The following STPG1 variants were observed in gnomAD, a reference collection of about 807,000 sequenced individuals.
The protein encoded by STPG1 is O(6)-methylguanine-induced apoptosis 2.
In STPG1, 33 loss-of-function variants were observed where a neutral mutation model predicts 40.1. The observed-to-expected ratio is 0.82, with a 90% confidence interval of 0.62 to 1.10. STPG1 has a LOEUF of 1.10. Ranked by LOEUF, STPG1 falls within the 50% of genes least tolerant of loss-of-function variation. The pLI is 0.00. For synonymous variants in STPG1, 150 were observed against 155.0 expected (o/e 0.97, Z 0.24); for missense variants, 396 against 415.1 (o/e 0.95, Z 0.40).
chr1:24,394,435 G>T (rs1326653729), intron 2 of STPG1, among the ~76,000 whole-genome samples: 2 of 152,102 alleles, frequency 1.3e-5, no homozygotes, highest in Non-Finnish European at 2.9e-5. Context: ...AAAATACCTG[G>T]CATTGATAAA....
At chr1:24,397,598 C>T (rs1643059514) in intron 2 of STPG1, among the ~76,000 whole-genome samples, 1 of 151,912 alleles carries the variant, frequency 6.6e-6, no homozygotes, top group Non-Finnish European at 1.5e-5. Flanking sequence ...CCCAGTAATG[C>T]AAAAATAGTT....
intron 3 of STPG1, among the ~76,000 whole-genome samples, chr1:24,389,893 C>T (rs1178820685): frequency 1.3e-5 from 2 of 152,116 alleles, no homozygotes; most frequent in South Asian, 2.1e-4. Flanking sequence ...TGTTTGTGTG[C>T]GTACACTCTA....
chr1:24,377,323 A>G (rs1168790938), intron 5 of STPG1, among the ~76,000 whole-genome samples: 1 of 152,032 alleles, frequency 6.6e-6, no homozygotes, highest in Non-Finnish European at 1.5e-5. Context: ...GGACCCAGAG[A>G]ACAAAATGTG....
intron 7 of STPG1, among the ~76,000 whole-genome samples, chr1:24,366,405 G>A (rs946354840): frequency 3.9e-5 from 6 of 152,144 alleles, no homozygotes; most frequent in Admixed American, 3.9e-4. Context: ...AAACAGAACT[G>A]GAATTTGAGA....
At chr1:24,383,693 C>T (rs897459385) in intron 4 of STPG1, among the ~76,000 whole-genome samples, 9 of 152,190 alleles carry the variant, frequency 5.9e-5, no homozygotes, top group African/African-American at 1.9e-4. Context: ...GGCTTCTCTT[C>T]CCACCCTGGC....
upstream of STPG1, chr1:24,414,229 A>G (rs1237032097): frequency 6.6e-6 from 1 of 151,730 alleles, no homozygotes; most frequent in Non-Finnish European, 1.5e-5. Context: ...TATTTTTAGT[A>G]GAGACAGGGT....
intron 2 of STPG1, among the ~76,000 whole-genome samples, chr1:24,395,091 T>C (rs187385626): frequency 7.9e-5 from 12 of 151,808 alleles, no homozygotes; most frequent in Middle Eastern, 3.4e-3. Flanking sequence ...AAAAAAGACA[T>C]GTCACATATG....
At chr1:24,383,097 G>A (rs2148698359) in intron 4 of STPG1, among the ~76,000 whole-genome samples, 1 of 152,098 alleles carries the variant, frequency 6.6e-6, no homozygotes, top group South Asian at 2.1e-4. Flanking sequence ...TTATTTTGTA[G>A]AGATGGGGTC....
At position 24,372,813 on chromosome 1, in the gene STPG1, G is replaced by A. The variant is rs539904579; in HGVS notation, c.571+889C>T. Among the ~76,000 whole-genome samples the A allele has an allele frequency of 1.6e-4, 24 of 152,282 alleles. 1 individual carries two copies. The highest frequency in any genetic ancestry group is 4.1e-4 in the South Asian group (2 of 4,830). ...CCCTGCTCCTCCTCCTGCTTCTGGG[G>A]CCCAAGGTTCCTGGGGCAGCTCTGG... On this transcript the variant is annotated intron_variant, in intron 6 of 8. Coordinates refer to ENST00000337248, the MANE Select transcript of STPG1 (RefSeq NM_001199013.2).
intron 6 of STPG1, among the ~76,000 whole-genome samples, chr1:24,372,181 AAAAAC>A (rs573718589): frequency 2.6e-5 from 4 of 152,166 alleles, no homozygotes; most frequent in East Asian, 1.9e-4. Context: ...CCATCTCCAA[AAAAAC>A]AAAACAAAAC....
intron 2 of STPG1, among the ~76,000 whole-genome samples, chr1:24,392,843 C>G (rs1314166281): frequency 8.3e-6 from 1 of 120,712 alleles, no homozygotes; most frequent in Admixed American, 9.3e-5. Flanking sequence ...AGAGGAAATA[C>G]GCGCAGAAAT....
At chr1:24,372,573 G>A (rs2148688380) in intron 6 of STPG1, among the ~76,000 whole-genome samples, 1 of 152,328 alleles carries the variant, frequency 6.6e-6, no homozygotes, top group African/African-American at 2.4e-5. Context: ...TGCTGGCTTT[G>A]TTCTTCTGTA....
intron 2 of STPG1, among the ~76,000 whole-genome samples, chr1:24,395,025 A>G (rs1255462471): frequency 6.6e-6 from 1 of 152,140 alleles, no homozygotes; most frequent in Non-Finnish European, 1.5e-5. Context: ...CCGTAGGCCA[A>G]CCATAATCAA....
chr1:24,390,067 A>ATC (rs1324265380), intron 3 of STPG1, among the ~76,000 whole-genome samples: 1 of 152,220 alleles, frequency 6.6e-6, no homozygotes, highest in Non-Finnish European at 1.5e-5. Flanking sequence ...CAGAACCTAG[A>ATC]TCTCCTCATT....
At chr1:24,374,490 A>C (rs1168304260) in intron 5 of STPG1, among the ~76,000 whole-genome samples, 5 of 151,702 alleles carry the variant, frequency 3.3e-5, no homozygotes, top group Non-Finnish European at 7.4e-5. Context: ...CGATCTCCTG[A>C]CCTCGTGATC....
chr1:24,396,884 CAG>C (rs1359407772), intron 2 of STPG1, among the ~76,000 whole-genome samples: 2 of 152,086 alleles, frequency 1.3e-5, no homozygotes, highest in African/African-American at 2.4e-5. Context: ...AATTAAAAAA[CAG>C]AGATTCTCAG....
intron 5 of STPG1, among the ~76,000 whole-genome samples, chr1:24,374,253 T>TG (rs1641905752): frequency 2.1e-5 from 2 of 93,380 alleles, no homozygotes; most frequent in African/African-American, 1.3e-4. Flanking sequence ...TGTTTTTTTT[T>TG]TTTGTTTTTT....
rs1640814156 is a variant in STPG1 at position 24,357,709 on chromosome 1, C to CA, written c.*833_*834insT. 6.0e-6 allele frequency: 1 copy of CA among 167,218 alleles called. No homozygotes were observed. Among genetic ancestry groups the CA allele is most frequent in the Non-Finnish European group, 1.3e-5 (1 of 74,386 alleles). The allele number at this position is 167,218 out of a possible 1,614,324, so 10.4% of individuals were successfully genotyped here. A position where few individuals can be genotyped will look rare whatever the true frequency, so the allele number is the denominator to read the frequency against. ...AAGGAGCCTGGCAGCTCCCCACCCA[C>CA]CGCGAATCTGTGCAGCCTCCACCAA... On this transcript the variant is annotated 3_prime_UTR_variant, in exon 9 of 9. Coordinates refer to ENST00000337248, the MANE Select transcript of STPG1 (RefSeq NM_001199013.2).
chr1:24,414,305 C>A (rs1182820744), upstream of STPG1: 1 of 151,632 alleles, frequency 6.6e-6, no homozygotes, highest in South Asian at 2.1e-4. Context: ...CTCGGCCTCC[C>A]AAAGTGTTGG....
Sources: allele counts gnomAD v4.1 joint callset (sites outside exome capture counted in the v4.1 genomes callset), GRCh38; gene constraint gnomAD v4.1.1; transcripts MANE v1.5; gene names NCBI Gene and HGNC (gene_info 2026-07-23, HGNC 2026-07-21).